Variants in MOB4 observed in about 807,000 individuals in gnomAD.
The protein encoded by MOB4 is MOB-like protein phocein.
Under a neutral mutation model 32.2 loss-of-function variants are expected in MOB4, and 4 were observed. The ratio of observed to expected loss-of-function variants is 0.12; its 90% CI spans 0.06 to 0.28. The LOEUF is 0.28. Ranked by LOEUF, MOB4 falls within the 10% of genes least tolerant of loss-of-function variation. MOB4 has a pLI of 1.00. For missense variants in MOB4, 158 were observed against 271.2 expected (o/e 0.58, Z 2.93); for synonymous variants, 88 against 88.1 (o/e 1.00, Z 0.01).
At chr2:197,531,555 A>G (rs1173978425) in intron 2 of MOB4, among the ~76,000 whole-genome samples, 1 of 151,702 alleles carries the variant, frequency 6.6e-6, no homozygotes, top group East Asian at 1.9e-4. Context: ...GAAACTTTTC[A>G]GCATTATTTC....
chr2:197,515,938 C>T, upstream of MOB4: 5 of 769,358 alleles, frequency 6.5e-6, no homozygotes, highest in South Asian at 9.1e-5. Flanking sequence ...TAGCCCGCTT[C>T]TACCCGGACG....
Position 197,548,421 on chromosome 2 carries a change from C to G in MOB4, c.434+6C>G, listed in dbSNP as rs199633615. The stretch of plus-strand genomic sequence containing the variant: ...AATAAATATTTTCCCAGCAGGTAAT[C>G]GAAACTTTTAAACATAGTGTTAAAC... On this transcript the variant is annotated splice_donor_region_variant and intron_variant, in intron 6 of 7. Transcript: ENST00000323303. The G allele has an allele frequency of 6.6e-7, 1 of 1,521,354 alleles. No individual in the cohort carries two copies. The highest frequency in any genetic ancestry group is 8.8e-7 in the Non-Finnish European group (1 of 1,132,766). The allele number at this position is 1,521,354 out of a possible 1,614,324, so 94.2% of individuals were successfully genotyped here. A position where few individuals can be genotyped will look rare whatever the true frequency, so the allele number is the denominator to read the frequency against.
intron 2 of MOB4, among the ~76,000 whole-genome samples, chr2:197,530,807 C>T (rs1174244465): frequency 6.6e-6 from 1 of 151,942 alleles, no homozygotes; most frequent in Non-Finnish European, 1.5e-5. Context: ...TTGTGTTGCC[C>T]AAGGTCTCTA....
intron 3 of MOB4, among the ~76,000 whole-genome samples, chr2:197,535,958 G>A (rs2086791487): frequency 6.8e-6 from 1 of 147,024 alleles, no homozygotes; most frequent in Non-Finnish European, 1.5e-5. Context: ...GGAGTGCAGT[G>A]GTGTAATCAC....
intron 1 of MOB4, 131 bp downstream of exon 1, chr2:197,516,277 G>A: frequency 6.8e-7 from 1 of 1,460,560 alleles, no homozygotes; most frequent in Non-Finnish European, 9.0e-7. Context: ...TGCCCGGCCT[G>A]CTCTTCCGGA....
intron 2 of MOB4, among the ~76,000 whole-genome samples, chr2:197,529,265 G>A (rs1458529280): frequency 6.6e-6 from 1 of 152,148 alleles, no homozygotes; most frequent in Admixed American, 6.6e-5. Context: ...ACCGCGGCCA[G>A]CTGATCTTCA....
rs190339215 is a variant in MOB4, at chr2:197,517,171, C to T, written c.60+1025C>T. On this transcript the variant is annotated intron_variant, in intron 1 of 7. Coordinates refer to ENST00000323303, the MANE Select transcript of MOB4 (RefSeq NM_015387.5). ...TGATTACCTCCCCAGATTCATGTTA[C>T]AGATAAGGAAACTGAAGCCCAAGAG... Among the ~76,000 whole-genome samples, 59 of 152,290 alleles carry T rather than the reference C, an allele frequency of 3.9e-4. No homozygotes were observed. The Middle Eastern group carries it at 0.01, about 27-fold the overall frequency.
intron 2 of MOB4, among the ~76,000 whole-genome samples, chr2:197,525,835 A>G (rs1486175378): frequency 6.6e-6 from 1 of 152,158 alleles, no homozygotes; most frequent in African/African-American, 2.4e-5. Context: ...ATCTAGCTCT[A>G]TGCCTAGAAA....
chr2:197,518,309 C>A (rs2086451852), intron 1 of MOB4, among the ~76,000 whole-genome samples: 1 of 151,416 alleles, frequency 6.6e-6, no homozygotes, highest in Non-Finnish European at 1.5e-5. Context: ...CTCTTGTTGC[C>A]CCCAAGCTGG....
intron 2 of MOB4, among the ~76,000 whole-genome samples, chr2:197,529,030 C>T (rs956105142): frequency 6.6e-4 from 99 of 149,996 alleles, no homozygotes; most frequent in African/African-American, 2.3e-3. Flanking sequence ...GGCGCGATCT[C>T]GGCTCACTGA....
rs1340171613 is a variant in MOB4, at chr2:197,540,352, G to A, written c.269G>A (p.Ser90Asn). 6.4e-7 allele frequency: 1 copy of A among 1,570,272 alleles called. No individual in the cohort carries two copies. The highest frequency in any genetic ancestry group is 8.6e-7 in the Non-Finnish European group (1 of 1,164,414). ...ELNGLAVKLQ[S>N]ECHPDTCTQM... ...AAGAAATATAATTATTTTTAACAGA[G>A]TGAATGCCATCCAGATACTTGCACT... Residue 90 changes from serine (S) to asparagine (N), a missense_variant and splice_region_variant, in exon 5 of 8, where the codon AGT becomes AAT. Ser to Asn is a conservative substitution (Grantham distance 46, BLOSUM62 1). Transcript: ENST00000323303.
upstream of MOB4, chr2:197,515,787 C>G (rs2086396276): frequency 2.1e-6 from 1 of 473,942 alleles, no homozygotes; most frequent in Non-Finnish European, 3.8e-6. Context: ...ACTGCCGCAG[C>G]GGTCGCTGCG....
rs1179680315 is a variant in MOB4, at chr2:197,550,703, T to C, written c.*57T>C. The C allele has an allele frequency of 2.9e-5, 43 of 1,507,206 alleles. No individual in the cohort carries two copies. The highest frequency in any genetic ancestry group is 3.5e-5 in the Non-Finnish European group (40 of 1,133,276). 93.4% of individuals were successfully genotyped at this position (1,507,206 alleles called of 1,614,324 possible). A position where few individuals can be genotyped will look rare whatever the true frequency, so the allele number is the denominator to read the frequency against. On this transcript the variant is annotated 3_prime_UTR_variant, in exon 8 of 8. Transcript: ENST00000323303. ...TAATTAACATTATGTACTGTATATA[T>C]CATTTTAGACACATCAATCATGTAT...
At position 197,544,069 on chromosome 2, in the gene MOB4, CAA is replaced by C. The variant is rs775830212; in HGVS notation, c.354+3633_354+3634del. On this transcript the variant is annotated intron_variant, in intron 5 of 7. Coordinates refer to ENST00000323303, the MANE Select transcript of MOB4 (RefSeq NM_015387.5). ...TTCTTTCTTTTTTTTTTTTAAGAGA[CAA>C]GAGTTTCGCTCTGTCGCCCAGGCTG... is the stretch of plus-strand genomic sequence containing the variant. Among the ~76,000 whole-genome samples the C allele has an allele frequency of 7.4e-5, 11 of 148,348 alleles. No individual in the cohort carries two copies. In the East Asian group the frequency reaches 8.2e-4, roughly 11 times the overall value.
intron 2 of MOB4, among the ~76,000 whole-genome samples, chr2:197,525,657 G>A (rs2086599626): frequency 1.3e-5 from 2 of 150,552 alleles, no homozygotes; most frequent in South Asian, 4.2e-4. Flanking sequence ...AGGGTTTATG[G>A]TGAGCTGTGA....
intron 6 of MOB4, among the ~76,000 whole-genome samples, chr2:197,548,968 G>C (rs13418032): frequency 0.7 from 106,708 of 151,936 alleles, 38,138 homozygotes; most frequent in Middle Eastern, 0.86. Flanking sequence ...GTGGCTCACG[G>C]ATGTAATCCC....
chr2:197,523,547 T>G (rs967104068), intron 1 of MOB4, 77 bp from the exon 2 acceptor site: 7 of 1,447,466 alleles, frequency 4.8e-6, no homozygotes, highest in African/African-American at 1.4e-5. Context: ...TAGTGTGAGC[T>G]TTGGGTCTTT....
At position 197,550,764 on chromosome 2, in the gene MOB4, G is replaced by T; in HGVS notation, c.*118G>T. The T allele has an allele frequency of 3.1e-6, 4 of 1,283,414 alleles. No homozygotes were observed. The highest frequency in any genetic ancestry group is 4.1e-6 in the Non-Finnish European group (4 of 986,356). The allele number at this position is 1,283,414 out of a possible 1,614,324, so 79.5% of individuals were successfully genotyped here. On this transcript the variant is annotated 3_prime_UTR_variant, in exon 8 of 8. Coordinates refer to ENST00000323303, the MANE Select transcript of MOB4 (RefSeq NM_015387.5). ...GCTTCTTTGTTTAGTATAGGTTTTT[G>T]TATGCTGGGTTTGCCTTTTAAAATG...
chr2:197,540,416 A>G lies in MOB4; in HGVS notation c.333A>G (p.Ala111=). ...CTGAACAATGGATTTTTCTTTGTGC[A>G]GCTCATAAAACTCCAAAAGAGGTGA... The part of the protein sequence containing the change: ...TATEQWIFLC[A]AHKTPKECPA... Residue 111 remains alanine, a synonymous_variant, in exon 5 of 8, where the codon GCA becomes GCG. Coordinates refer to ENST00000323303, the MANE Select transcript of MOB4 (RefSeq NM_015387.5). 6.3e-7 allele frequency: 1 copy of G among 1,590,154 alleles called. No homozygotes were observed. The highest frequency in any genetic ancestry group is 1.8e-5 in the Admixed American group (1 of 54,312).
Sources: gnomAD v4.1 joint callset for allele counts (sites outside exome capture counted in the v4.1 genomes callset) on GRCh38, gnomAD v4.1.1 for gene constraint, MANE v1.5 for transcripts, NCBI Gene and HGNC (gene_info 2026-07-23, HGNC 2026-07-21) for gene names.